ATP2B2: variants seen among roughly 807,000 people sequenced by gnomAD.
ATP2B2 encodes the protein plasma membrane calcium-transporting ATPase 2.
A neutral mutation model predicts 120.0 loss-of-function variants in ATP2B2; 15 were observed. That is an observed-to-expected ratio of 0.12 (90% CI 0.08 to 0.19). ATP2B2 has a LOEUF of 0.19. Among genes scored for constraint, ATP2B2 ranks in the 10% least tolerant of loss-of-function variants. ATP2B2 has a pLI of 1.00. For missense variants in ATP2B2, 1,045 were observed against 1,719.8 expected, an observed-to-expected ratio of 0.61 and a Z score of 6.94; for synonymous variants, 694 against 700.3, an observed-to-expected ratio of 0.99 and a Z score of 0.14.
chr3:10,365,073 C>T (rs1342282092), intron 12 of ATP2B2, among the ~76,000 whole-genome samples: 1 of 152,226 alleles, frequency 6.6e-6, no homozygotes, highest in East Asian at 1.9e-4. Flanking sequence ...GAGTCATGCA[C>T]AACTGAGGCC....
chr3:10,660,313 T>G lies in ATP2B2; in HGVS notation c.-459-40352A>C, dbSNP rs968018702. Among the ~76,000 whole-genome samples the G allele has an allele frequency of 3.3e-5, 5 of 151,950 alleles. No individual in the cohort carries two copies. In the South Asian group the frequency reaches 6.2e-4, roughly 19 times the overall value. ...AAAAAATCAATGAATCCAGGAGCTG[T>G]TTTTTTGAAAAGATCAACAAAATTG... On this transcript the variant is annotated intron_variant, in intron 1 of 21. Transcript: ENST00000646379.
At chr3:10,648,885 A>G (rs986038323) in intron 1 of ATP2B2, among the ~76,000 whole-genome samples, 16 of 152,188 alleles carry the variant, frequency 1.1e-4, no homozygotes, top group Non-Finnish European at 2.2e-4. Flanking sequence ...CCACAGCAGA[A>G]GCTTCCTCAT....
intron 1 of ATP2B2, among the ~76,000 whole-genome samples, chr3:10,458,990 C>G (rs1007113803): frequency 3.3e-5 from 5 of 152,240 alleles, no homozygotes; most frequent in Admixed American, 3.3e-4. Flanking sequence ...TAGCCCCACC[C>G]TCAAGGATCC....
At chr3:10,566,691 A>C (rs1397482534) in intron 2 of ATP2B2, among the ~76,000 whole-genome samples, 1 of 152,222 alleles carries the variant, frequency 6.6e-6, no homozygotes, top group Non-Finnish European at 1.5e-5. Context: ...ATATACATCA[A>C]ATCACTGGAA....
intron 1 of ATP2B2, among the ~76,000 whole-genome samples, chr3:10,664,361 G>A (rs1455064614): frequency 6.6e-6 from 1 of 152,068 alleles, no homozygotes; most frequent in African/African-American, 2.4e-5. Context: ...GGTCCCCAAG[G>A]AGACCTGCAC....
At chr3:10,453,572 T>C (rs1387895681) in intron 1 of ATP2B2, among the ~76,000 whole-genome samples, 1 of 152,224 alleles carries the variant, frequency 6.6e-6, no homozygotes, top group East Asian at 1.9e-4. Context: ...GAGGTTCTTA[T>C]GACACTTAAA....
At chr3:10,575,334 ATGAGAAAAC>A (rs904966206) in intron 2 of ATP2B2, among the ~76,000 whole-genome samples, 2 of 152,316 alleles carry the variant, frequency 1.3e-5, no homozygotes, top group African/African-American at 4.8e-5. Flanking sequence ...CATTTTGCAG[ATGAGAAAAC>A]TAAGGCCAAT....
At chr3:10,673,005 G>T (rs2071149036) in intron 1 of ATP2B2, among the ~76,000 whole-genome samples, 1 of 152,194 alleles carries the variant, frequency 6.6e-6, no homozygotes, top group South Asian at 2.1e-4. Context: ...TCTGCCAGAG[G>T]TTGGCTGGGT....
intron 1 of ATP2B2, among the ~76,000 whole-genome samples, chr3:10,650,320 C>T (rs777232884): frequency 5.3e-5 from 8 of 152,102 alleles, no homozygotes; most frequent in Non-Finnish European, 1.0e-4. Flanking sequence ...TTTGCCCCTG[C>T]CCTAGAGATT....
At chr3:10,601,882 C>T (rs2068932315) in intron 2 of ATP2B2, among the ~76,000 whole-genome samples, 1 of 152,224 alleles carries the variant, frequency 6.6e-6, no homozygotes, top group Non-Finnish European at 1.5e-5. Context: ...GGCCCTCCTC[C>T]CTACCCTCTT....
intron 1 of ATP2B2, among the ~76,000 whole-genome samples, chr3:10,683,758 G>GTGTGTGTGTGTGTA (rs1334250607): frequency 8.9e-5 from 3 of 33,642 alleles, no homozygotes; most frequent in South Asian, 1.2e-3. Flanking sequence ...ATGTGTGTGT[G>GTGTGTGTGTGTGTA]TGTATATATA....
At chr3:10,469,806 GC>G (rs1000548441) in intron 1 of ATP2B2, among the ~76,000 whole-genome samples, 1 of 152,176 alleles carries the variant, frequency 6.6e-6, no homozygotes, top group African/African-American at 2.4e-5. Flanking sequence ...GGCTAGCCAG[GC>G]AAAGATCTGC....
intron 1 of ATP2B2, among the ~76,000 whole-genome samples, chr3:10,684,352 G>A (rs2071466144): frequency 6.6e-6 from 1 of 152,178 alleles, no homozygotes; most frequent in African/African-American, 2.4e-5. Flanking sequence ...AGAAGGAGAG[G>A]AAAACTGAGC....
chr3:10,538,773 T>C (rs1181449181), intron 2 of ATP2B2, among the ~76,000 whole-genome samples: 1 of 152,216 alleles, frequency 6.6e-6, no homozygotes, highest in African/African-American at 2.4e-5. Flanking sequence ...AATATCATAC[T>C]GAATGGGCAA....
intron 14 of ATP2B2, among the ~76,000 whole-genome samples, chr3:10,353,923 C>T (rs892427399): frequency 6.6e-6 from 1 of 152,190 alleles, no homozygotes; most frequent in Admixed American, 6.5e-5. Flanking sequence ...AACTCTATGA[C>T]AGGGCACACA....
upstream of ATP2B2, among the ~76,000 whole-genome samples, chr3:10,508,331 T>C (rs2125430828): frequency 6.6e-6 from 1 of 152,368 alleles, no homozygotes; most frequent in African/African-American, 2.4e-5. Flanking sequence ...CAGTCCTTCC[T>C]GATTCCACCA....
At chr3:10,487,012 G>A (rs1431228623) in intron 1 of ATP2B2, among the ~76,000 whole-genome samples, 3 of 152,178 alleles carry the variant, frequency 2.0e-5, no homozygotes, top group Non-Finnish European at 4.4e-5. Flanking sequence ...ACAGGCGTGA[G>A]CCATTGCGCC....
intron 1 of ATP2B2, among the ~76,000 whole-genome samples, chr3:10,689,091 G>A (rs905448884): frequency 6.6e-6 from 1 of 152,204 alleles, no homozygotes; most frequent in Non-Finnish European, 1.5e-5. Context: ...GTAGGCCCAC[G>A]TGTTAGCACC....
chr3:10,677,569 G>T (rs1219201511), intron 1 of ATP2B2, among the ~76,000 whole-genome samples: 2 of 152,168 alleles, frequency 1.3e-5, no homozygotes, highest in Non-Finnish European at 2.9e-5. Flanking sequence ...GTCAATGTAG[G>T]CCCATCCATT....
Sources: gnomAD v4.1 joint callset for allele counts (sites outside exome capture counted in the v4.1 genomes callset) on GRCh38, gnomAD v4.1.1 for gene constraint, MANE v1.5 for transcripts, NCBI Gene and HGNC (gene_info 2026-07-23, HGNC 2026-07-21) for gene names.